The following OOSP3 variants were observed in gnomAD, a reference collection of about 807,000 sequenced individuals.
OOSP3 encodes the protein oocyte-secreted protein 3.
chr11:59,884,508 T>A (rs1028317641), intron 2 of OOSP3, among the ~76,000 whole-genome samples: 1 of 149,372 alleles, frequency 6.7e-6, no homozygotes, highest in Non-Finnish European at 1.5e-5. Context: ...TCTCTCTCTC[T>A]CTCTCTCTCT....
rs79944443 is a variant in OOSP3, at chr11:59,883,391, C to A, written c.252+2952C>A. 2.4e-3 allele frequency among the ~76,000 whole-genome samples: 373 copies of A among 152,284 alleles called. 4 individuals are homozygous for A. Among genetic ancestry groups the A allele is most frequent in the Non-Finnish European group, 4.0e-3 (273 of 67,996 alleles). On this transcript the variant is annotated intron_variant, in intron 2 of 4. Transcript: ENST00000646438. ...CCATTTGGACACCTGTTCATTGGAA[C>A]TGATTTTTGCTTCAGCCCTAGTTCT... is the stretch of plus-strand genomic sequence containing the variant.
chr11:59,891,699 C>A (rs1361760826), intron 2 of OOSP3, among the ~76,000 whole-genome samples: 4 of 152,174 alleles, frequency 2.6e-5, no homozygotes, highest in Non-Finnish European at 4.4e-5. Context: ...AGGTGTCTGG[C>A]AACCCCTGTT....
At chr11:59,884,471 G>GTCTCTC (rs1853232583) in intron 2 of OOSP3, among the ~76,000 whole-genome samples, 9 of 100,122 alleles carry the variant, frequency 9.0e-5, no homozygotes, top group Admixed American at 3.4e-4. Flanking sequence ...CTGTCTGTCT[G>GTCTCTC]TCTGTCTCTC....
intron 2 of OOSP3, among the ~76,000 whole-genome samples, chr11:59,884,906 A>C (rs1287495636): frequency 6.6e-6 from 1 of 152,178 alleles, no homozygotes; most frequent in Non-Finnish European, 1.5e-5. Context: ...CCTCCAGTAC[A>C]ATATTGGATA....
intron 1 of OOSP3, among the ~76,000 whole-genome samples, chr11:59,879,320 T>C (rs1413430236): frequency 6.6e-6 from 1 of 152,194 alleles, no homozygotes; most frequent in Non-Finnish European, 1.5e-5. Flanking sequence ...TCATTTTTTC[T>C]CCTTTCACTT....
intron 2 of OOSP3, among the ~76,000 whole-genome samples, chr11:59,882,111 C>G (rs1853207494): frequency 6.6e-6 from 1 of 152,126 alleles, no homozygotes; most frequent in Admixed American, 6.5e-5. Flanking sequence ...GAAATCATTA[C>G]AAAGGCCAAA....
chr11:59,885,276 T>A (rs1023943541), intron 2 of OOSP3, among the ~76,000 whole-genome samples: 1 of 151,906 alleles, frequency 6.6e-6, no homozygotes, highest in Non-Finnish European at 1.5e-5. Context: ...ATGCTGAAGT[T>A]TTTATTTTTT....
chr11:59,891,390 AT>A (rs1364998486), intron 2 of OOSP3, among the ~76,000 whole-genome samples: 12 of 151,964 alleles, frequency 7.9e-5, no homozygotes, highest in Admixed American at 4.6e-4. Context: ...TTTTGTGTTG[AT>A]TTTTCCTCAT....
In OOSP3 at chr11:59,894,078, G is replaced by C; in HGVS notation, c.253-1G>C. 2.5e-6 allele frequency: 1 copy of C among 398,358 alleles called. No homozygotes were observed. The highest frequency in any genetic ancestry group is 4.4e-6 in the Non-Finnish European group (1 of 225,988). The allele number at this position is 398,358 out of a possible 1,614,324, so 24.7% of individuals were successfully genotyped here. On this transcript the variant is annotated splice_acceptor_variant, in intron 2 of 4. Coordinates refer to ENST00000646438, the Ensembl canonical transcript of OOSP3. LOFTEE classifies it high-confidence loss of function. ...CTTATAAAGTCTTTTTGTCCCATTA[G>C]GTTTTCTCATATGTAACAGTTTTTT... is the stretch of plus-strand genomic sequence containing the variant.
At position 59,889,295 on chromosome 11, in the gene OOSP3, A is replaced by G. The variant is rs1416643030; in HGVS notation, c.253-4784A>G. On this transcript the variant is annotated intron_variant, in intron 2 of 4. Coordinates refer to ENST00000646438, the Ensembl canonical transcript of OOSP3. ...TTTTTGAAGGGTTTTTCATGTCTCT[A>G]TTTCCTTCAGTTCTTCTCTGAGCTT... Among the ~76,000 whole-genome samples, 5 of 145,856 alleles carry G rather than the reference A, an allele frequency of 3.4e-5. No homozygotes were observed. In the East Asian group the frequency reaches 1.0e-3, roughly 29 times the overall value.
intron 2 of OOSP3, among the ~76,000 whole-genome samples, chr11:59,887,529 C>G (rs1853273958): frequency 6.6e-6 from 1 of 152,170 alleles, no homozygotes; most frequent in African/African-American, 2.4e-5. Context: ...AGCCAGTTCT[C>G]CCAGCACCAT....
chr11:59,882,239 T>A (rs1316552402), intron 2 of OOSP3, among the ~76,000 whole-genome samples: 1 of 151,276 alleles, frequency 6.6e-6, no homozygotes, highest in Non-Finnish European at 1.5e-5. Context: ...GAATAACCAA[T>A]CAGAGCTGTA....
chr11:59,884,805 C>T (rs1853237704), intron 2 of OOSP3, among the ~76,000 whole-genome samples: 2 of 152,058 alleles, frequency 1.3e-5, no homozygotes, highest in Non-Finnish European at 2.9e-5. Flanking sequence ...TGCCAGGCCT[C>T]ATGTCATCTT....
chr11:59,892,121 T>A (rs967996858), intron 2 of OOSP3, among the ~76,000 whole-genome samples: 5 of 152,096 alleles, frequency 3.3e-5, no homozygotes, highest in African/African-American at 4.8e-5. Context: ...CTGTCATGAG[T>A]CTGCAAATCT....
chr11:59,883,652 GAAA>G (rs1429111534), intron 2 of OOSP3, among the ~76,000 whole-genome samples: 1 of 152,154 alleles, frequency 6.6e-6, no homozygotes, highest in African/African-American at 2.4e-5. Context: ...ACAAATTTGT[GAAA>G]CAAAATATAT....
At chr11:59,887,426 T>G (rs772224590) in intron 2 of OOSP3, among the ~76,000 whole-genome samples, 6 of 152,204 alleles carry the variant, frequency 3.9e-5, no homozygotes, top group Non-Finnish European at 7.3e-5. Flanking sequence ...TTCTATAGTT[T>G]TGGGTTTTAC....
At chr11:59,882,332 C>T (rs1853210567) in intron 2 of OOSP3, among the ~76,000 whole-genome samples, 1 of 151,778 alleles carries the variant, frequency 6.6e-6, no homozygotes, top group Middle Eastern at 3.2e-3. Flanking sequence ...AAGACCCCTT[C>T]GAAATTACCT....
intron 2 of OOSP3, among the ~76,000 whole-genome samples, 171 bp downstream of exon 2, chr11:59,880,610 G>A (rs1048113125): frequency 2.0e-5 from 3 of 152,084 alleles, no homozygotes; most frequent in African/African-American, 4.8e-5. Context: ...AAAATATCAT[G>A]GCACATAGCC....
chr11:59,882,120 A>G (rs570520769), intron 2 of OOSP3, among the ~76,000 whole-genome samples: 33 of 152,368 alleles, frequency 2.2e-4, no homozygotes, highest in East Asian at 1.5e-3. Flanking sequence ...ACAAAGGCCA[A>G]AGAATTAATA....
Sources: allele counts gnomAD v4.1 joint callset (sites outside exome capture counted in the v4.1 genomes callset), GRCh38; gene constraint gnomAD v4.1.1; transcripts MANE v1.5; gene names NCBI Gene and HGNC (gene_info 2026-07-23, HGNC 2026-07-21).